Variants in PCDHGA8 observed in about 807,000 individuals in gnomAD.
The protein encoded by PCDHGA8 is protocadherin gamma subfamily A, 8, also known as protocadherin gamma-A8.
Under a neutral mutation model 59.2 loss-of-function variants are expected in PCDHGA8, and 45 were observed. The ratio of observed to expected loss-of-function variants is 0.76; its 90% CI spans 0.60 to 0.98. The LOEUF (loss-of-function observed/expected upper bound fraction) is 0.98, where lower values mean the gene tolerates loss of function less well. Ranked by LOEUF, PCDHGA8 falls within the 50% of genes least tolerant of loss-of-function variation. The pLI is 0.00. For missense variants in PCDHGA8, 1,257 were observed against 1,196.2 expected (o/e 1.05, Z -0.75); for synonymous variants, 531 against 519.0 (o/e 1.02, Z -0.32).
chr5:141,419,933 C>CTGG (rs1192896428), intron 1 of PCDHGA8: 1 of 1,613,952 alleles, frequency 6.2e-7, no homozygotes, highest in African/African-American at 1.3e-5. Context: ...GCAGTTTTAC[C>CTGG]TGGTGGTGGC....
intron 1 of PCDHGA8, chr5:141,414,260 A>G: frequency 6.2e-7 from 1 of 1,613,444 alleles, no homozygotes; most frequent in Non-Finnish European, 8.5e-7. Context: ...CCAGTGACTG[A>G]AGATTCACCT....
intron 1 of PCDHGA8, chr5:141,410,721 A>G (rs2154543206): frequency 1.5e-5 from 21 of 1,395,496 alleles, no homozygotes; most frequent in Non-Finnish European, 2.0e-5. Context: ...ATATGTTTAA[A>G]ATCCATAGCT....
At chr5:141,483,840 T>C (rs996866862) in intron 1 of PCDHGA8, among the ~76,000 whole-genome samples, 2 of 152,172 alleles carry the variant, frequency 1.3e-5, no homozygotes, top group South Asian at 2.1e-4. Context: ...AAGGACTTGG[T>C]TGAATTAAGA....
intron 1 of PCDHGA8, among the ~76,000 whole-genome samples, chr5:141,454,204 T>G (rs1161344350): frequency 3.3e-5 from 5 of 152,170 alleles, no homozygotes; most frequent in Non-Finnish European, 1.5e-5. Context: ...GTGAATTTAT[T>G]GACATGAATG....
chr5:141,424,055 C>A, intron 1 of PCDHGA8: 2 of 1,007,784 alleles, frequency 2.0e-6, no homozygotes, highest in Non-Finnish European at 1.2e-6. Context: ...TTTTGCTGTG[C>A]CTTCACTGAT....
intron 3 of PCDHGA8, among the ~76,000 whole-genome samples, chr5:141,509,808 G>A (rs905531504): frequency 3.9e-5 from 6 of 152,028 alleles, no homozygotes; most frequent in Non-Finnish European, 7.4e-5. Context: ...TCATAGAGCC[G>A]AGCTCTTCTC....
intron 1 of PCDHGA8, chr5:141,409,922 T>C (rs752487198): frequency 1.2e-6 from 2 of 1,613,182 alleles, no homozygotes; most frequent in African/African-American, 2.7e-5. Context: ...CGGCTCCGCG[T>C]TCTTCGATAT....
At chr5:141,446,132 TA>T (rs1252851903) in intron 1 of PCDHGA8, among the ~76,000 whole-genome samples, 1 of 152,204 alleles carries the variant, frequency 6.6e-6, no homozygotes, top group African/African-American at 2.4e-5. Context: ...CAATAAGACT[TA>T]ATAATGGAAT....
At chr5:141,497,503 C>CTGCTTCCT (rs1042765123) in intron 2 of PCDHGA8, among the ~76,000 whole-genome samples, 57 of 151,054 alleles carry the variant, frequency 3.8e-4, no homozygotes, top group African/African-American at 1.4e-3. Flanking sequence ...TCTCCTCTCT[C>CTGCTTCCT]TGCTTCCTTA....
intron 1 of PCDHGA8, among the ~76,000 whole-genome samples, chr5:141,435,375 A>G (rs80179854): frequency 0.034 from 5,131 of 152,264 alleles, 102 homozygotes; most frequent in Middle Eastern, 0.088. Flanking sequence ...TTAAATATAC[A>G]ATATACCGTA....
At position 141,393,263 on chromosome 5, in the gene PCDHGA8, A is replaced by T; in HGVS notation, c.450A>T (p.Ala150=). The T allele has an allele frequency of 6.2e-7, 1 of 1,613,926 alleles. No homozygotes were observed. Among genetic ancestry groups the T allele is most frequent in the African/African-American group, 1.3e-5 (1 of 75,074 alleles). ...VKINEIAVPG[A]RYPLPEAVDP... ...TTAACGAAATCGCGGTTCCTGGAGC[A>T]CGTTATCCACTCCCAGAAGCTGTTG... The change falls in exon 1 of 4, where the codon GCA becomes GCT. Residue 150 remains alanine (A), a synonymous_variant. Transcript: ENST00000398604.
chr5:141,404,705 G>A, intron 1 of PCDHGA8: 2 of 1,614,108 alleles, frequency 1.2e-6, no homozygotes, highest in South Asian at 2.2e-5. Flanking sequence ...TGCAGAGCCT[G>A]GCTACCTGGT....
intron 1 of PCDHGA8, chr5:141,478,644 T>C (rs1217932733): frequency 6.4e-7 from 1 of 1,552,238 alleles, no homozygotes. Flanking sequence ...GATGAAGATG[T>C]TTTCCTGGTG....
chr5:141,394,667 G>C lies in PCDHGA8; in HGVS notation c.1854G>C (p.Ser618=). 3.1e-6 allele frequency: 5 copies of C among 1,613,252 alleles called. No homozygotes were observed. The highest frequency in any genetic ancestry group is 4.2e-6 in the Non-Finnish European group (5 of 1,179,924). The change falls in exon 1 of 4, where the codon TCG becomes TCC. Residue 618 remains serine (S), a synonymous_variant. Transcript: ENST00000398604. ...LLKASEPGLF[S]VGLHTGEVRT... is the part of the protein sequence containing the mutation. The stretch of plus-strand genomic sequence containing the variant: ...AGGCCAGCGAGCCGGGACTCTTCTC[G>C]GTGGGTCTGCACACGGGCGAGGTGC...
chr5:141,415,717 A>G, intron 1 of PCDHGA8: 1 of 839,652 alleles, frequency 1.2e-6, no homozygotes, highest in Non-Finnish European at 1.8e-6. Flanking sequence ...AACACTGATG[A>G]GTAGAATTTG....
chr5:141,410,031 AG>A lies in PCDHGA8; in HGVS notation c.2424+14796del, dbSNP rs1303415196. ...GCCTGGCTGTCCTACCACGTGCTGCAGGCCAGTGAGCCCGGACTCTTCAGCC... is the reference window on the plus strand; with the variant it reads ...GCCTGGCTGTCCTACCACGTGCTGCAGCCAGTGAGCCCGGACTCTTCAGCC... On this transcript the variant is annotated intron_variant, in intron 1 of 3. Coordinates refer to ENST00000398604, the MANE Select transcript of PCDHGA8 (RefSeq NM_032088.2). 3.1e-6 allele frequency: 5 copies of A among 1,613,236 alleles called. No homozygotes were observed. In the South Asian group the frequency reaches 5.5e-5, roughly 18 times the overall value.
At chr5:141,495,279 G>T (rs72790069) in intron 2 of PCDHGA8, among the ~76,000 whole-genome samples, 4 of 152,146 alleles carry the variant, frequency 2.6e-5, no homozygotes, top group Non-Finnish European at 5.9e-5. Context: ...CGGAGGAGGC[G>T]GTCCGCACTC....
chr5:141,474,518 G>T (rs1054372142), intron 1 of PCDHGA8, among the ~76,000 whole-genome samples: 1 of 152,168 alleles, frequency 6.6e-6, no homozygotes, highest in African/African-American at 2.4e-5. Context: ...CCTCTTGCTG[G>T]TCTGGCTAAT....
In PCDHGA8 at chr5:141,394,348, G is replaced by C. The variant is rs1376364642; in HGVS notation, c.1535G>C (p.Gly512Ala). 2 of 1,614,050 alleles carry C rather than the reference G, an allele frequency of 1.2e-6. No homozygotes were observed. Among genetic ancestry groups the C allele is most frequent in the Non-Finnish European group, 1.7e-6 (2 of 1,180,028 alleles). ...TATATCTCCATCAACTCTGACACCG[G>C]TGTCCTGTATGCGCTGCAATCTTTC... ...SSYISINSDTGVLYALQSFDY... is the reference protein window; with the variant it reads ...SSYISINSDTAVLYALQSFDY... Residue 512 changes from glycine to alanine, a missense_variant, in exon 1 of 4, where the codon GGT (glycine) becomes GCT (alanine). By Grantham distance (60) the Gly-to-Ala change is moderately conservative. Coordinates refer to ENST00000398604, the MANE Select transcript of PCDHGA8 (RefSeq NM_032088.2).
Sources: gnomAD v4.1 joint callset for allele counts (sites outside exome capture counted in the v4.1 genomes callset) on GRCh38, gnomAD v4.1.1 for gene constraint, MANE v1.5 for transcripts, NCBI Gene and HGNC (gene_info 2026-07-23, HGNC 2026-07-21) for gene names.